The following VRK2 variants were observed in gnomAD, a reference collection of about 807,000 sequenced individuals.
VRK2 encodes the protein serine/threonine-protein kinase VRK2.
In VRK2, 60 loss-of-function variants were observed where a neutral mutation model predicts 57.6. That is an observed-to-expected ratio of 1.04 (90% confidence interval 0.85 to 1.29). VRK2 has a LOEUF of 1.29. Ranked by LOEUF, VRK2 falls within the 50% of genes most tolerant of loss-of-function variation. VRK2 has a pLI of 0.00. For missense variants in VRK2, 705 were observed against 588.1 expected, an observed-to-expected ratio of 1.20 and a Z score of -2.06; for synonymous variants, 231 against 199.2, an observed-to-expected ratio of 1.16 and a Z score of -1.35.
chr2:58,053,117 C>A (rs969563713), intron 2 of VRK2, among the ~76,000 whole-genome samples: 1 of 152,154 alleles, frequency 6.6e-6, no homozygotes, highest in Non-Finnish European at 1.5e-5. Flanking sequence ...TTGCTTTGTT[C>A]TCTTCCATAA....
At chr2:58,131,653 G>C (rs1274772515) in intron 8 of VRK2, among the ~76,000 whole-genome samples, 155 bp from the exon 9 acceptor site, 1 of 152,080 alleles carries the variant, frequency 6.6e-6, no homozygotes, top group Admixed American at 6.6e-5. Flanking sequence ...GGGGCCAAAT[G>C]CTTGGGCGTT....
intron 1 of VRK2, among the ~76,000 whole-genome samples, chr2:58,006,329 C>T (rs7561688): frequency 0.33 from 50,876 of 152,010 alleles, 10,005 homozygotes; most frequent in East Asian, 0.53. Flanking sequence ...AAGAATGGAC[C>T]AAAAGGTGGC....
intron 3 of VRK2, chr2:58,041,172 GC>G: frequency 1.6e-6 from 1 of 610,018 alleles, no homozygotes; most frequent in East Asian, 1.4e-4. Flanking sequence ...ACCACTTTTG[GC>G]TAGTCAATAT....
At chr2:58,150,408 A>G (rs961915086) in intron 12 of VRK2, among the ~76,000 whole-genome samples, 1 of 151,174 alleles carries the variant, frequency 6.6e-6, no homozygotes. Context: ...GATATTCTTT[A>G]TTTTCCCTTT....
intron 7 of VRK2, among the ~76,000 whole-genome samples, chr2:58,116,899 T>C (rs923882580): frequency 7.2e-5 from 11 of 152,166 alleles, no homozygotes; most frequent in Admixed American, 2.6e-4. Flanking sequence ...GAGGAGGTTC[T>C]GGAGGAACGC....
At chr2:58,118,724 T>C (rs1012465051) in intron 7 of VRK2, among the ~76,000 whole-genome samples, 1 of 152,200 alleles carries the variant, frequency 6.6e-6, no homozygotes, top group South Asian at 2.1e-4. Flanking sequence ...GTGAAGAGAC[T>C]ACCAAACAGG....
At chr2:58,120,198 T>TC (rs1677250004) in intron 7 of VRK2, among the ~76,000 whole-genome samples, 1 of 130,102 alleles carries the variant, frequency 7.7e-6, no homozygotes, top group African/African-American at 3.2e-5. Context: ...TTTTTTTTTT[T>TC]TTTTTTTTTT....
intron 1 of VRK2, among the ~76,000 whole-genome samples, chr2:57,994,434 T>A (rs553139533): frequency 6.6e-6 from 1 of 152,296 alleles, no homozygotes; most frequent in South Asian, 2.1e-4. Flanking sequence ...TTTGGGGACC[T>A]AAAACATCTA....
intron 3 of VRK2, among the ~76,000 whole-genome samples, chr2:58,037,651 A>C (rs1372730550): frequency 6.6e-6 from 1 of 152,126 alleles, no homozygotes; most frequent in Non-Finnish European, 1.5e-5. Flanking sequence ...GAGGAAGTAC[A>C]TTCATATCTA....
intron 1 of VRK2, among the ~76,000 whole-genome samples, chr2:57,934,519 A>G (rs1670839651): frequency 6.6e-6 from 1 of 152,058 alleles, no homozygotes; most frequent in Non-Finnish European, 1.5e-5. Context: ...TTGATTTTAG[A>G]CTGTCTGATT....
chr2:57,963,044 C>T (rs910377670), intron 1 of VRK2, among the ~76,000 whole-genome samples: 3 of 152,178 alleles, frequency 2.0e-5, no homozygotes, highest in Admixed American at 6.5e-5. Context: ...AACCTTACTT[C>T]CTCTTCTGCA....
At chr2:57,913,445 G>T (rs761767208) in intron 1 of VRK2, among the ~76,000 whole-genome samples, 5 of 152,036 alleles carry the variant, frequency 3.3e-5, no homozygotes, top group Non-Finnish European at 5.9e-5. Flanking sequence ...TATTTGATAG[G>T]AATGGGCCAA....
chr2:57,935,200 C>T (rs1670866326), intron 1 of VRK2, among the ~76,000 whole-genome samples: 1 of 152,174 alleles, frequency 6.6e-6, no homozygotes, highest in African/African-American at 2.4e-5. Flanking sequence ...CCACCTTCTT[C>T]AGTCTTTTCT....
At chr2:57,912,978 A>C (rs530249745) in intron 1 of VRK2, among the ~76,000 whole-genome samples, 49 of 152,334 alleles carry the variant, frequency 3.2e-4, no homozygotes, top group Middle Eastern at 3.4e-3. Context: ...GGACACAGCA[A>C]GAAGACAAGC....
intron 1 of VRK2, among the ~76,000 whole-genome samples, chr2:57,920,552 G>A (rs780262121): frequency 6.6e-6 from 1 of 152,062 alleles, no homozygotes; most frequent in Non-Finnish European, 1.5e-5. Flanking sequence ...CAGGCTAGTG[G>A]AAGTCATTTT....
intron 1 of VRK2, among the ~76,000 whole-genome samples, chr2:57,942,992 C>A (rs1211005576): frequency 2.0e-5 from 3 of 152,162 alleles, no homozygotes; most frequent in Non-Finnish European, 4.4e-5. Context: ...GGGAAAATAT[C>A]AAATTCACTT....
intron 11 of VRK2, among the ~76,000 whole-genome samples, chr2:58,140,162 G>A (rs187375517): frequency 2.0e-5 from 3 of 152,058 alleles, no homozygotes; most frequent in Admixed American, 1.3e-4. Flanking sequence ...TTTAGATATT[G>A]CCCTGTGTTT....
chr2:58,116,326 C>T (rs1457843480), intron 7 of VRK2, among the ~76,000 whole-genome samples: 1 of 149,594 alleles, frequency 6.7e-6, no homozygotes, highest in African/African-American at 2.6e-5. Flanking sequence ...AGAACGGCAG[C>T]AATGAGATGC....
chr2:57,922,950 C>G (rs1261176078), intron 1 of VRK2, among the ~76,000 whole-genome samples: 1 of 151,948 alleles, frequency 6.6e-6, no homozygotes, highest in African/African-American at 2.4e-5. Flanking sequence ...TTAGTTTTCA[C>G]AAATAAGTGA....
Sources: gnomAD v4.1 joint callset for allele counts (sites outside exome capture counted in the v4.1 genomes callset) on GRCh38, gnomAD v4.1.1 for gene constraint, MANE v1.5 for transcripts, NCBI Gene and HGNC (gene_info 2026-07-23, HGNC 2026-07-21) for gene names.